Variants in DIAPH3 observed in about 807,000 individuals in gnomAD.
DIAPH3 encodes the protein protein diaphanous homolog 3.
Under a neutral mutation model 144.3 loss-of-function variants are expected in DIAPH3, and 117 were observed. The ratio of observed to expected loss-of-function variants is 0.81; its 90% CI spans 0.70 to 0.95. The LOEUF (loss-of-function observed/expected upper bound fraction) is 0.95, where lower values mean the gene tolerates loss of function less well. Among genes scored for constraint, DIAPH3 ranks in the 40% least tolerant of loss-of-function variants. The pLI, the probability that DIAPH3 is intolerant of heterozygous loss-of-function variation, is 0.00. For missense variants in DIAPH3, 1,421 were observed against 1,412.7 expected (o/e 1.01, Z -0.09); for synonymous variants, 519 against 488.9 (o/e 1.06, Z -0.81).
chr13:59,971,742 C>G (rs2050392671), intron 15 of DIAPH3, among the ~76,000 whole-genome samples: 1 of 152,182 alleles, frequency 6.6e-6, no homozygotes, highest in Non-Finnish European at 1.5e-5. Flanking sequence ...ATAAGTATAT[C>G]ATGATCTAGT....
intron 27 of DIAPH3, among the ~76,000 whole-genome samples, chr13:59,700,912 T>A (rs1390240134): frequency 6.6e-6 from 1 of 152,196 alleles, no homozygotes; most frequent in Non-Finnish European, 1.5e-5. Flanking sequence ...TTCCTTTTAT[T>A]ATTTTAAGAT....
At chr13:59,802,097 T>C (rs570478890) in intron 25 of DIAPH3, among the ~76,000 whole-genome samples, 1 of 152,252 alleles carries the variant, frequency 6.6e-6, no homozygotes, top group Admixed American at 6.5e-5. Context: ...AGAGAGAACC[T>C]ATTAATAAAA....
At chr13:60,096,806 G>T (rs1010256567) in intron 3 of DIAPH3, among the ~76,000 whole-genome samples, 6 of 152,142 alleles carry the variant, frequency 3.9e-5, no homozygotes, top group African/African-American at 1.4e-4. Context: ...GAGTTCTCAG[G>T]CCTTAAAGCC....
chr13:60,014,470 A>G (rs1228299808), intron 7 of DIAPH3, among the ~76,000 whole-genome samples: 1 of 152,184 alleles, frequency 6.6e-6, no homozygotes, highest in East Asian at 1.9e-4. Context: ...GGCAAGGAAG[A>G]AAAAATATTT....
intron 27 of DIAPH3, among the ~76,000 whole-genome samples, chr13:59,767,689 T>C (rs2037925975): frequency 6.6e-6 from 1 of 152,116 alleles, no homozygotes; most frequent in South Asian, 2.1e-4. Context: ...ACAAGAGATA[T>C]TAATCATAAC....
chr13:59,838,647 G>A (rs189041070), intron 23 of DIAPH3: 6 of 152,112 alleles, frequency 3.9e-5, no homozygotes, highest in African/African-American at 1.4e-4. Flanking sequence ...CATTTCAAAG[G>A]TATCTAAATC....
At position 59,810,930 on chromosome 13, in the gene DIAPH3, A is replaced by G; in HGVS notation, c.3028-7T>C. 1 of 869,230 alleles carries G rather than the reference A, an allele frequency of 1.2e-6. No individual in the cohort carries two copies. Among genetic ancestry groups the G allele is most frequent in the Non-Finnish European group, 1.7e-6 (1 of 594,212 alleles). The allele number at this position is 869,230 out of a possible 1,614,324, so 53.8% of individuals were successfully genotyped here. ...TATTCTCCTTTATTGCTTGCTAAAAAAATTTTGAAAAATGATCAATTTTAA... is the reference window on the plus strand; with the variant it reads ...TATTCTCCTTTATTGCTTGCTAAAAGAATTTTGAAAAATGATCAATTTTAA... On this transcript the variant is annotated splice_region_variant and splice_polypyrimidine_tract_variant and intron_variant, in intron 24 of 27. Transcript: ENST00000400324.
intron 24 of DIAPH3, among the ~76,000 whole-genome samples, chr13:59,820,820 A>AT (rs2041030056): frequency 6.6e-6 from 1 of 151,170 alleles, no homozygotes; most frequent in South Asian, 2.1e-4. Flanking sequence ...ATTAAATACT[A>AT]TTTAATACTA....
chr13:60,010,261 T>A (rs1371439799), intron 8 of DIAPH3, among the ~76,000 whole-genome samples: 1 of 152,166 alleles, frequency 6.6e-6, no homozygotes, highest in African/African-American at 2.4e-5. Context: ...GAATTTTTTT[T>A]AATTTAGGGT....
intron 22 of DIAPH3, among the ~76,000 whole-genome samples, chr13:59,851,611 T>C (rs1025832786): frequency 6.6e-6 from 1 of 151,698 alleles, no homozygotes; most frequent in South Asian, 2.1e-4. Flanking sequence ...AGTAAATGAC[T>C]GATTCAACAA....
At chr13:59,834,112 C>A (rs964605789) in intron 23 of DIAPH3, among the ~76,000 whole-genome samples, 1 of 151,640 alleles carries the variant, frequency 6.6e-6, no homozygotes, top group Non-Finnish European at 1.5e-5. Context: ...TCAAAACACA[C>A]TGAAATTAAG....
At chr13:60,065,330 A>G (rs1180947485) in intron 4 of DIAPH3, among the ~76,000 whole-genome samples, 1 of 151,022 alleles carries the variant, frequency 6.6e-6, no homozygotes, top group Non-Finnish European at 1.5e-5. Context: ...GTACACCTAT[A>G]TTAATAATAG....
intron 20 of DIAPH3, among the ~76,000 whole-genome samples, chr13:59,897,407 A>G (rs567033718): frequency 6.6e-6 from 1 of 152,364 alleles, no homozygotes; most frequent in South Asian, 2.1e-4. Context: ...GAATCGTAGA[A>G]TAGTGAGAGA....
intron 24 of DIAPH3, among the ~76,000 whole-genome samples, chr13:59,829,536 G>C (rs1478914112): frequency 1.3e-5 from 2 of 151,858 alleles, no homozygotes; most frequent in Non-Finnish European, 2.9e-5. Flanking sequence ...ACCACATTTA[G>C]TTGCTACTAT....
intron 3 of DIAPH3, among the ~76,000 whole-genome samples, chr13:60,105,717 G>A (rs1031953501): frequency 1.3e-5 from 2 of 152,076 alleles, no homozygotes; most frequent in Non-Finnish European, 2.9e-5. Context: ...ATCTAGTCAA[G>A]CCTTAATACA....
intron 27 of DIAPH3, among the ~76,000 whole-genome samples, chr13:59,677,384 G>T (rs2138616834): frequency 6.6e-6 from 1 of 151,628 alleles, no homozygotes; most frequent in African/African-American, 2.4e-5. Flanking sequence ...GGCTATACAT[G>T]CAAGGTAAAA....
intron 4 of DIAPH3, among the ~76,000 whole-genome samples, chr13:60,085,129 TC>T (rs2057704548): frequency 6.6e-6 from 1 of 152,124 alleles, no homozygotes; most frequent in Admixed American, 6.5e-5. Flanking sequence ...TAATATCTGT[TC>T]TATTGGGCAT....
At chr13:60,116,732 A>G (rs2058714547) in intron 2 of DIAPH3, among the ~76,000 whole-genome samples, 1 of 152,094 alleles carries the variant, frequency 6.6e-6, no homozygotes. Flanking sequence ...GCACTTCACA[A>G]GCTAATTTGT....
chr13:59,811,038 G>A, intron 24 of DIAPH3, 115 bp from the exon 25 acceptor site: 4 of 976,464 alleles, frequency 4.1e-6, no homozygotes, highest in Non-Finnish European at 6.0e-6. Context: ...TTAGATAATG[G>A]TGAGTTATGT....
Sources: gnomAD v4.1 joint callset for allele counts (sites outside exome capture counted in the v4.1 genomes callset) on GRCh38, gnomAD v4.1.1 for gene constraint, MANE v1.5 for transcripts, NCBI Gene and HGNC (gene_info 2026-07-23, HGNC 2026-07-21) for gene names.